The following BRI3BP variants were observed in gnomAD, a reference collection of about 807,000 sequenced individuals.
The protein encoded by BRI3BP is BRI3 binding protein.
Under a neutral mutation model 15.8 loss-of-function variants are expected in BRI3BP, and 7 were observed. The ratio of observed to expected loss-of-function variants is 0.44; its 90% confidence interval spans 0.25 to 0.83. The LOEUF (loss-of-function observed/expected upper bound fraction) is 0.83, where lower values mean the gene tolerates loss of function less well. Among genes scored for constraint, BRI3BP ranks in the 40% least tolerant of loss-of-function variants. The probability of loss-of-function intolerance (pLI) is 0.20; values close to 1 mark genes in which losing one functional copy is unlikely to be tolerated. For missense variants in BRI3BP, 320 were observed against 339.3 expected (o/e 0.94, Z 0.45); for synonymous variants, 192 against 163.5 (o/e 1.17, Z -1.33).
At chr12:125,016,924 A>C (rs1955250664) in intron 2 of BRI3BP, among the ~76,000 whole-genome samples, 1 of 135,526 alleles carries the variant, frequency 7.4e-6, no homozygotes, top group Non-Finnish European at 1.5e-5. Flanking sequence ...AACCTCCACC[A>C]ACCCAGGCTC....
intron 1 of BRI3BP, among the ~76,000 whole-genome samples, chr12:125,002,135 C>T (rs1033333255): frequency 3.2e-4 from 48 of 152,158 alleles, no homozygotes; most frequent in Admixed American, 6.6e-5. Flanking sequence ...GTTTATGTCA[C>T]TTTTTGTCTA....
chr12:125,021,157 C>G (rs1407860212), intron 2 of BRI3BP, among the ~76,000 whole-genome samples: 2 of 152,232 alleles, frequency 1.3e-5, no homozygotes, highest in African/African-American at 4.8e-5. Context: ...CAGGAAGGCA[C>G]AGTGTAGCAA....
intron 1 of BRI3BP, among the ~76,000 whole-genome samples, chr12:125,005,304 C>A (rs1020439503): frequency 6.6e-6 from 1 of 152,198 alleles, no homozygotes; most frequent in African/African-American, 2.4e-5. Context: ...ATTTAAGTCA[C>A]TTTTAATTTT....
At chr12:124,998,548 T>C (rs1955058807) in intron 1 of BRI3BP, among the ~76,000 whole-genome samples, 1 of 152,052 alleles carries the variant, frequency 6.6e-6, no homozygotes, top group Non-Finnish European at 1.5e-5. Flanking sequence ...ATATGAAATA[T>C]CTGGAATAGG....
chr12:125,039,741 C>G, the BRI3BP span, among the ~76,000 whole-genome samples: 1 of 151,960 alleles, frequency 6.6e-6, no homozygotes, highest in African/African-American at 2.4e-5. Context: ...CATTCATTTG[C>G]AAAGGTGTGT....
intron 2 of BRI3BP, among the ~76,000 whole-genome samples, chr12:125,021,326 C>T (rs919109331): frequency 6.6e-5 from 10 of 152,178 alleles, no homozygotes; most frequent in South Asian, 2.1e-4. Context: ...CGTTATTGAC[C>T]GGAGGAGCTC....
chr12:125,021,683 G>A (rs1195248814), intron 2 of BRI3BP, among the ~76,000 whole-genome samples: 2 of 152,182 alleles, frequency 1.3e-5, no homozygotes, highest in Non-Finnish European at 1.5e-5. Flanking sequence ...GGGAAGCAAG[G>A]CACGTCTTAC....
chr12:125,019,576 A>T (rs1955275701), intron 2 of BRI3BP, among the ~76,000 whole-genome samples: 1 of 150,278 alleles, frequency 6.7e-6, no homozygotes, highest in Admixed American at 6.7e-5. Flanking sequence ...CCACGTTAAG[A>T]TGATGACATT....
chr12:125,032,649 C>T (rs1320992290), downstream of BRI3BP, among the ~76,000 whole-genome samples: 1 of 151,006 alleles, frequency 6.6e-6, no homozygotes, highest in African/African-American at 2.4e-5. Flanking sequence ...CTGCCTGTGC[C>T]TGCAGTCCCA....
intron 1 of BRI3BP, among the ~76,000 whole-genome samples, chr12:124,998,936 G>A (rs1474672432): frequency 1.3e-5 from 2 of 152,054 alleles, no homozygotes; most frequent in African/African-American, 4.8e-5. Flanking sequence ...CCTTTGGCTA[G>A]GCATGGTGGC....
chr12:125,034,451 G>A (rs138974189), downstream of BRI3BP, among the ~76,000 whole-genome samples: 109 of 152,260 alleles, frequency 7.2e-4, no homozygotes, highest in African/African-American at 2.5e-3. Context: ...TCATATATGC[G>A]TACACCATGG....
At chr12:125,033,573 G>A (rs1955421121), downstream of BRI3BP, among the ~76,000 whole-genome samples, 1 of 151,754 alleles carries the variant, frequency 6.6e-6, no homozygotes. Flanking sequence ...ACCCATTTTG[G>A]AAACAGCACA....
chr12:125,034,629 G>A (rs1038999028), downstream of BRI3BP, among the ~76,000 whole-genome samples: 13 of 151,480 alleles, frequency 8.6e-5, no homozygotes, highest in Admixed American at 2.0e-4. Flanking sequence ...TCACTCTGTC[G>A]CCCAGGCTGG....
chr12:125,040,391 C>G, the BRI3BP span, among the ~76,000 whole-genome samples: 3 of 151,546 alleles, frequency 2.0e-5, no homozygotes, highest in Non-Finnish European at 2.9e-5. Context: ...TTTGCCCAGG[C>G]TGGAGTGCAA....
downstream of BRI3BP, among the ~76,000 whole-genome samples, chr12:125,036,074 G>T (rs11058006): frequency 2.0e-5 from 3 of 146,904 alleles, no homozygotes; most frequent in Admixed American, 2.1e-4. Context: ...TTTGTTTTTT[G>T]TTTTTTTTTG....
At chr12:124,997,070 A>G (rs1955046637) in intron 1 of BRI3BP, among the ~76,000 whole-genome samples, 1 of 151,406 alleles carries the variant, frequency 6.6e-6, no homozygotes, top group East Asian at 2.0e-4. Context: ...CCCATATTCT[A>G]ATCTAGGACT....
At chr12:125,001,786 C>T (rs941330809) in intron 1 of BRI3BP, among the ~76,000 whole-genome samples, 1 of 151,908 alleles carries the variant, frequency 6.6e-6, no homozygotes, top group African/African-American at 2.4e-5. Flanking sequence ...GAAAGCTCAG[C>T]GGTTTGTAGT....
the BRI3BP span, among the ~76,000 whole-genome samples, chr12:125,047,428 C>T: frequency 5.3e-5 from 8 of 152,106 alleles, no homozygotes; most frequent in Admixed American, 6.6e-5. Context: ...CCGCCTCCGC[C>T]TCCCAAAGTG....
intron 1 of BRI3BP, among the ~76,000 whole-genome samples, chr12:124,997,322 T>A: frequency 6.8e-6 from 1 of 147,730 alleles, no homozygotes; most frequent in African/African-American, 2.5e-5. Context: ...TTCACGAAAT[T>A]CTCCTGCTTC....
Sources: gnomAD v4.1 joint callset for allele counts (sites outside exome capture counted in the v4.1 genomes callset) on GRCh38, gnomAD v4.1.1 for gene constraint, MANE v1.5 for transcripts, NCBI Gene and HGNC (gene_info 2026-07-23, HGNC 2026-07-21) for gene names.